The following MCOLN2 variants were observed in gnomAD, a reference collection of about 807,000 sequenced individuals.
MCOLN2 encodes the protein mucolipin-2.
Under a neutral mutation model 67.5 loss-of-function variants are expected in MCOLN2, and 57 were observed. The ratio of observed to expected loss-of-function variants is 0.84; its 90% confidence interval spans 0.68 to 1.05. The LOEUF is 1.05. MCOLN2 is among the 50% of genes least tolerant of loss of function. The probability of loss-of-function intolerance (pLI) is 0.00; values close to 1 mark genes in which losing one functional copy is unlikely to be tolerated. For missense variants in MCOLN2, 620 were observed against 678.8 expected (o/e 0.91, Z 0.96); for synonymous variants, 246 against 233.3 (o/e 1.05, Z -0.50).
chr1:84,949,377 G>A (rs538771330), intron 6 of MCOLN2, among the ~76,000 whole-genome samples: 2 of 152,162 alleles, frequency 1.3e-5, no homozygotes, highest in South Asian at 2.1e-4. Context: ...GGTGGCTCAC[G>A]CCTGTAATCC....
intron 13 of MCOLN2, among the ~76,000 whole-genome samples, chr1:84,927,910 A>T (rs2102795043): frequency 6.6e-6 from 1 of 152,294 alleles, no homozygotes; most frequent in Admixed American, 6.5e-5. Flanking sequence ...ACGAGCCACC[A>T]TAACCAGCCC....
intron 7 of MCOLN2, among the ~76,000 whole-genome samples, chr1:84,942,269 T>C: frequency 6.6e-6 from 1 of 152,186 alleles, no homozygotes; most frequent in East Asian, 1.9e-4. Context: ...GACACTGACC[T>C]TTCATTACAT....
chr1:84,965,858 T>A, intron 1 of MCOLN2, 150 bp from the exon 2 acceptor site: 1 of 635,806 alleles, frequency 1.6e-6, no homozygotes, highest in Non-Finnish European at 2.5e-6. Context: ...AAAGCAACTC[T>A]AGTTATGGCA....
At chr1:84,941,912 G>T (rs1327159981) in intron 7 of MCOLN2, among the ~76,000 whole-genome samples, 2 of 152,178 alleles carry the variant, frequency 1.3e-5, no homozygotes, top group African/African-American at 4.8e-5. Flanking sequence ...GGAAGGAGAT[G>T]AATCTAACCT....
At chr1:84,980,849 CA>C (rs568426038) in intron 1 of MCOLN2, among the ~76,000 whole-genome samples, 419 of 152,198 alleles carry the variant, frequency 2.8e-3, no homozygotes, top group Non-Finnish European at 4.5e-3. Flanking sequence ...GCAAAGGAAA[CA>C]ATCAACAAAG....
intron 2 of MCOLN2, among the ~76,000 whole-genome samples, chr1:84,959,753 AC>A (rs1161778565): frequency 2.0e-5 from 3 of 152,216 alleles, no homozygotes; most frequent in Non-Finnish European, 4.4e-5. Flanking sequence ...CAACTAAGCC[AC>A]CAAATTTTGG....
chr1:84,989,098 G>A (rs1438763742), intron 1 of MCOLN2, among the ~76,000 whole-genome samples: 16 of 152,112 alleles, frequency 1.1e-4, no homozygotes, highest in African/African-American at 3.9e-4. Context: ...CCCTACAATG[G>A]ACTTCATGAA....
At chr1:84,965,182 C>T (rs1649312036) in intron 2 of MCOLN2, among the ~76,000 whole-genome samples, 1 of 152,122 alleles carries the variant, frequency 6.6e-6, no homozygotes, top group East Asian at 1.9e-4. Flanking sequence ...AAAAGGAAAA[C>T]TTAGGATTCT....
intron 1 of MCOLN2, among the ~76,000 whole-genome samples, chr1:84,983,642 T>G (rs1571038099): frequency 6.6e-6 from 1 of 152,078 alleles, no homozygotes; most frequent in African/African-American, 2.4e-5. Context: ...ACTACTTTTA[T>G]CTGTCTTTTT....
chr1:84,959,235 C>A (rs1356375605), intron 2 of MCOLN2, among the ~76,000 whole-genome samples: 1 of 152,166 alleles, frequency 6.6e-6, no homozygotes, highest in South Asian at 2.1e-4. Context: ...TGCAAGAATT[C>A]TGTATAAAAT....
chr1:84,997,089 G>T lies in MCOLN2; in HGVS notation c.-217C>A, dbSNP rs114037164. 5 of 576,208 alleles carry T rather than the reference G, an allele frequency of 8.7e-6. No individual in the cohort carries two copies. Among genetic ancestry groups the T allele is most frequent in the Admixed American group, 3.1e-5 (1 of 31,918 alleles). 35.7% of individuals were successfully genotyped at this position (576,208 alleles called of 1,614,324 possible). ...TCGTGGAGTGCGGCGGGCAGTTCTC[G>T]GGCGGCTGAAAGGCGGCTCTGTGTG... On this transcript the variant is annotated 5_prime_UTR_variant, in exon 1 of 14. Coordinates refer to ENST00000370608, the MANE Select transcript of MCOLN2 (RefSeq NM_153259.4).
chr1:84,944,519 G>A (rs753734023), intron 7 of MCOLN2, among the ~76,000 whole-genome samples: 1 of 151,820 alleles, frequency 6.6e-6, no homozygotes, highest in Non-Finnish European at 1.5e-5. Flanking sequence ...GAGACAGAGC[G>A]AGACTCTGTC....
chr1:84,980,439 C>T (rs10782534), intron 1 of MCOLN2, among the ~76,000 whole-genome samples: 74,782 of 151,866 alleles, frequency 0.49, 18,675 homozygotes, highest in Middle Eastern at 0.54. Context: ...CTAACCAAAA[C>T]AGCATGGTAT....
At chr1:84,988,930 T>C (rs61768852) in intron 1 of MCOLN2, among the ~76,000 whole-genome samples, 23,492 of 152,136 alleles carry the variant, frequency 0.15, 1,944 homozygotes, top group East Asian at 0.26. Flanking sequence ...CCCCAGCTCT[T>C]TGTGTGTCTG....
At chr1:84,981,164 G>A (rs1245584088) in intron 1 of MCOLN2, among the ~76,000 whole-genome samples, 1 of 152,138 alleles carries the variant, frequency 6.6e-6, no homozygotes, top group East Asian at 1.9e-4. Context: ...ACAAACACTG[G>A]TGAGGATGTT....
intron 1 of MCOLN2, among the ~76,000 whole-genome samples, chr1:84,978,572 A>G (rs1403644252): frequency 3.3e-5 from 5 of 152,172 alleles, no homozygotes; most frequent in Admixed American, 1.3e-4. Context: ...ATTGGATACT[A>G]TGAGCAACTA....
rs988547243 is a variant in MCOLN2, at chr1:84,939,679, C to T, written c.984G>A (p.Glu328=). The T allele has an allele frequency of 1.1e-5, 18 of 1,614,040 alleles. No homozygotes were observed. Among genetic ancestry groups the T allele is most frequent in the Non-Finnish European group, 1.5e-5 (18 of 1,179,970 alleles). Reference sequence around the variant, plus strand: ...TGTCACACACAGGCCGCTTGTACTTCTCCAGGAAGAAATTTAGAAATCTCT... The same window carrying T: ...TGTCACACACAGGCCGCTTGTACTTTTCCAGGAAGAAATTTAGAAATCTCT... ...LRKRFLNFFL[E]KYKRPVCDTD... is the part of the protein sequence containing the mutation. The change falls in exon 9 of 14, where the codon GAG becomes GAA. Residue 328 remains glutamate, a synonymous_variant. Coordinates refer to ENST00000370608, the MANE Select transcript of MCOLN2 (RefSeq NM_153259.4).
At chr1:84,945,188 A>C (rs1022722512) in intron 7 of MCOLN2, among the ~76,000 whole-genome samples, 3 of 152,206 alleles carry the variant, frequency 2.0e-5, no homozygotes, top group African/African-American at 7.2e-5. Context: ...CGTTGCAAGG[A>C]GGGCAGCAGG....
intron 1 of MCOLN2, 100 bp from the exon 2 acceptor site, chr1:84,965,808 T>C (rs1649351344): frequency 9.8e-7 from 1 of 1,021,006 alleles, no homozygotes; most frequent in African/African-American, 1.6e-5. Context: ...ACATATGGCA[T>C]GTCATATACT....
Sources: allele counts gnomAD v4.1 joint callset (sites outside exome capture counted in the v4.1 genomes callset), GRCh38; gene constraint gnomAD v4.1.1; transcripts MANE v1.5; gene names NCBI Gene and HGNC (gene_info 2026-07-23, HGNC 2026-07-21).